The following TCF4 variants were observed in gnomAD, a reference collection of about 807,000 sequenced individuals.
TCF4 encodes the protein SL3-3 enhancer factor 2.
TCF4 carries 3 observed loss-of-function variants against 82.1 expected under a neutral mutation model. The observed-to-expected ratio is 0.04, with a 90% CI of 0.02 to 0.09. TCF4 has a LOEUF of 0.09. Ranked by LOEUF, TCF4 falls within the 10% of genes least tolerant of loss-of-function variation. The pLI, the probability that TCF4 is intolerant of heterozygous loss-of-function variation, is 1.00. For synonymous variants in TCF4, 276 were observed against 309.6 expected, an observed-to-expected ratio of 0.89 and a Z score of 1.14; for missense variants, 518 against 852.7, an observed-to-expected ratio of 0.61 and a Z score of 4.89.
At chr18:55,543,864 G>GC (rs2097184178) in intron 3 of TCF4, among the ~76,000 whole-genome samples, 1 of 152,100 alleles carries the variant, frequency 6.6e-6, no homozygotes. Context: ...TATGTATGTT[G>GC]CCATGGCATT....
intron 8 of TCF4, among the ~76,000 whole-genome samples, chr18:55,307,287 T>C (rs568747148): frequency 6.6e-6 from 1 of 152,362 alleles, no homozygotes; most frequent in Non-Finnish European, 1.5e-5. Context: ...AAATGACCTA[T>C]GGTCTTATGA....
chr18:55,555,816 T>C (rs2097298862), intron 3 of TCF4, among the ~76,000 whole-genome samples: 1 of 152,222 alleles, frequency 6.6e-6, no homozygotes, highest in South Asian at 2.1e-4. Flanking sequence ...CGGTGTACAT[T>C]TAACCTTTCA....
chr18:55,229,405 C>CCTG, intron 17 of TCF4: 1 of 365,232 alleles, frequency 2.7e-6, no homozygotes, highest in South Asian at 2.6e-5. Context: ...TGGGGTTACA[C>CCTG]TCTGCAAAGC....
intron 8 of TCF4, among the ~76,000 whole-genome samples, chr18:55,318,698 T>A (rs1422993880): frequency 6.6e-6 from 1 of 152,050 alleles, no homozygotes; most frequent in East Asian, 1.9e-4. Flanking sequence ...CAAGGAAAAA[T>A]TTTTTTGTGG....
chr18:55,404,954 G>C (rs184804992), intron 5 of TCF4, among the ~76,000 whole-genome samples: 3 of 152,216 alleles, frequency 2.0e-5, no homozygotes, highest in African/African-American at 7.2e-5. Context: ...AGCGCTCAGC[G>C]CAAAGTATAA....
intron 10 of TCF4, among the ~76,000 whole-genome samples, chr18:55,273,094 G>A (rs1390642229): frequency 2.0e-5 from 3 of 152,062 alleles, no homozygotes; most frequent in African/African-American, 7.2e-5. Context: ...CCATTCATCT[G>A]AGTGATTTTG....
At chr18:55,498,213 G>T (rs1160063982) in intron 3 of TCF4, among the ~76,000 whole-genome samples, 1 of 152,310 alleles carries the variant, frequency 6.6e-6, no homozygotes, top group East Asian at 1.9e-4. Context: ...TGGGTCCGGG[G>T]TTAAGCAAGT....
intron 5 of TCF4, chr18:55,404,507 A>C (rs2093989474): frequency 6.6e-6 from 1 of 152,220 alleles, no homozygotes; most frequent in African/African-American, 2.4e-5. Flanking sequence ...GGAGCTTTAC[A>C]GTAATTGTAC....
intron 5 of TCF4, among the ~76,000 whole-genome samples, chr18:55,454,642 A>G (rs1224279572): frequency 6.6e-6 from 1 of 152,236 alleles, no homozygotes; most frequent in Non-Finnish European, 1.5e-5. Flanking sequence ...TACATTTGGA[A>G]AACACATCAC....
chr18:55,621,531 A>ATGTACAT (rs1491223994), intron 2 of TCF4, among the ~76,000 whole-genome samples: 3 of 23,852 alleles, frequency 1.3e-4, no homozygotes, highest in African/African-American at 2.3e-4. Flanking sequence ...ATATTATATA[A>ATGTACAT]TATATATATT....
rs1220960555 is a variant in TCF4, at chr18:55,269,432, G to A, written c.922+399C>T. On this transcript the variant is annotated intron_variant, in intron 11 of 19. Transcript: ENST00000354452. ...GAAGACAGTGGCACATCATGGATAA[G>A]AGCCTAGCACAATGACTGGAATTTT... is the stretch of plus-strand genomic sequence containing the variant. 12 of 298,846 alleles carry A rather than the reference G, an allele frequency of 4.0e-5. No homozygotes were observed. The Admixed American group carries it at 4.8e-4, about 12-fold the overall frequency. 18.5% of individuals were successfully genotyped at this position (298,846 alleles called of 1,614,324 possible). A position where few individuals can be genotyped will look rare whatever the true frequency, so the allele number is the denominator to read the frequency against.
At chr18:55,632,550 C>T (rs1046327837) in intron 1 of TCF4, among the ~76,000 whole-genome samples, 1 of 152,090 alleles carries the variant, frequency 6.6e-6, no homozygotes, top group Admixed American at 6.5e-5. Flanking sequence ...GGTTTAGGCT[C>T]AAGGTTATTC....
At chr18:55,301,094 T>G (rs145725748) in intron 8 of TCF4, among the ~76,000 whole-genome samples, 2 of 152,072 alleles carry the variant, frequency 1.3e-5, no homozygotes, top group African/African-American at 4.8e-5. Flanking sequence ...ACCAGTGAGA[T>G]AGTGGGAAAG....
At chr18:55,280,135 T>C (rs905148367) in intron 8 of TCF4, among the ~76,000 whole-genome samples, 1 of 152,094 alleles carries the variant, frequency 6.6e-6, no homozygotes, top group African/African-American at 2.4e-5. Context: ...AGAACACAAA[T>C]GAACTATCCA....
At chr18:55,307,381 T>A (rs1303284850) in intron 8 of TCF4, among the ~76,000 whole-genome samples, 1 of 152,216 alleles carries the variant, frequency 6.6e-6, no homozygotes, top group Non-Finnish European at 1.5e-5. Flanking sequence ...TTTATATTAA[T>A]TACCTCTGCC....
At chr18:55,452,790 T>A (rs981393365) in intron 5 of TCF4, 2 of 152,174 alleles carry the variant, frequency 1.3e-5, no homozygotes, top group Admixed American at 6.5e-5. Flanking sequence ...GAAGGTGAGA[T>A]GCAAACAGCA....
chr18:55,229,181 A>C, intron 17 of TCF4, 105 bp from the exon 18 acceptor site: 2 of 1,364,860 alleles, frequency 1.5e-6, no homozygotes, highest in Non-Finnish European at 1.0e-6. Context: ...TTTCCATCTT[A>C]TGCCATGTTT....
chr18:55,243,364 G>T (rs1458956636), intron 15 of TCF4, among the ~76,000 whole-genome samples: 1 of 152,132 alleles, frequency 6.6e-6, no homozygotes, highest in Admixed American at 6.5e-5. Flanking sequence ...GGGCATTTTG[G>T]ACACAAATGG....
chr18:55,257,974 A>T (rs2057248925), intron 13 of TCF4, among the ~76,000 whole-genome samples: 1 of 152,178 alleles, frequency 6.6e-6, no homozygotes, highest in African/African-American at 2.4e-5. Flanking sequence ...CTTGAAGGTA[A>T]AAAAAGATTG....
Sources: gnomAD v4.1 joint callset for allele counts (sites outside exome capture counted in the v4.1 genomes callset) on GRCh38, gnomAD v4.1.1 for gene constraint, MANE v1.5 for transcripts, NCBI Gene and HGNC (gene_info 2026-07-23, HGNC 2026-07-21) for gene names.